Variants in CTNNA1 observed in about 807,000 individuals in gnomAD.
The protein encoded by CTNNA1 is catenin alpha-1.
CTNNA1 carries 37 observed loss-of-function variants against 98.4 expected under a neutral mutation model. That is an observed-to-expected ratio of 0.38 (90% CI 0.29 to 0.49). CTNNA1 has a LOEUF of 0.49. Ranked by LOEUF, CTNNA1 falls within the 20% of genes least tolerant of loss-of-function variation. The pLI is 0.95. For missense variants in CTNNA1, 761 were observed against 1,147.2 expected, an observed-to-expected ratio of 0.66 and a Z score of 4.86; for synonymous variants, 404 against 413.2, an observed-to-expected ratio of 0.98 and a Z score of 0.27.
intron 7 of CTNNA1, among the ~76,000 whole-genome samples, chr5:138,884,278 AAAGAAAT>A (rs1446614514): frequency 6.6e-6 from 1 of 152,206 alleles, no homozygotes; most frequent in Non-Finnish European, 1.5e-5. Context: ...AAGTTGGCAG[AAAGAAAT>A]GTTTGTAGTT....
rs28363478 is a variant in CTNNA1 at position 138,926,729 on chromosome 5, A to G, written c.1899+1322A>G. Among the ~76,000 whole-genome samples, 755 of 143,050 alleles carry G rather than the reference A, an allele frequency of 5.3e-3. 8 individuals are homozygous for G. Among genetic ancestry groups the G allele is most frequent in the Non-Finnish European group, 3.2e-3 (216 of 67,544 alleles). 93.8% of individuals were successfully genotyped at this position (143,050 alleles called of 152,430 possible). A position where few individuals can be genotyped will look rare whatever the true frequency, so the allele number is the denominator to read the frequency against. On this transcript the variant is annotated intron_variant, in intron 13 of 17. Coordinates refer to ENST00000302763, the MANE Select transcript of CTNNA1 (RefSeq NM_001903.5). The stretch of plus-strand genomic sequence containing the variant: ...GATGATTTCTCCCATTTTTAGGGGG[A>G]AAAAAAAAGTCTCTTGACCCACACC...
chr5:138,788,921 C>T lies in CTNNA1; in HGVS notation c.301+5549C>T, dbSNP rs138148803. Among the ~76,000 whole-genome samples, 360 of 152,256 alleles carry T rather than the reference C, an allele frequency of 2.4e-3. 1 individual carries two copies. Among genetic ancestry groups the T allele is most frequent in the African/African-American group, 8.1e-3 (336 of 41,538 alleles). ...TTATTGCTACTTCTGTAGCTTCTTC[C>T]CTATAGCTCATGGGCATTTCTGGGT... is the stretch of plus-strand genomic sequence containing the variant. On this transcript the variant is annotated intron_variant, in intron 3 of 17. Transcript: ENST00000302763.
chr5:138,810,740 TTC>T (rs1247210381), intron 4 of CTNNA1, among the ~76,000 whole-genome samples: 1 of 152,174 alleles, frequency 6.6e-6, no homozygotes, highest in Non-Finnish European at 1.5e-5. Flanking sequence ...TTCCCCACCT[TTC>T]CCCCCTTTCT....
rs288028 is a variant in CTNNA1, at chr5:138,886,300, G to C, written c.1143+8G>C. 446,153 of 1,577,210 alleles carry C rather than the reference G, an allele frequency of 0.28. 65,988 individuals are homozygous for C. Among genetic ancestry groups the C allele is most frequent in the Non-Finnish European group, 0.3 (347,574 of 1,165,620 alleles). On this transcript the variant is annotated splice_region_variant and intron_variant, in intron 8 of 17. Transcript: ENST00000302763. ...AGGGACTTGCGTAGACAGGTAATCT[G>C]GATGAAAGTGCTGATTGTTTTTCTA...
chr5:138,920,034 T>C (rs1434684735), intron 11 of CTNNA1, among the ~76,000 whole-genome samples: 1 of 141,314 alleles, frequency 7.1e-6, no homozygotes, highest in Non-Finnish European at 1.5e-5. Flanking sequence ...TGGAGTGCAA[T>C]GGTGGGATCT....
At chr5:138,863,684 C>G (rs1764487504) in intron 7 of CTNNA1, among the ~76,000 whole-genome samples, 1 of 152,228 alleles carries the variant, frequency 6.6e-6, no homozygotes, top group Non-Finnish European at 1.5e-5. Flanking sequence ...CAGAAAAAGC[C>G]AGTACCCTGA....
chr5:138,808,736 G>GT (rs1758370339), intron 3 of CTNNA1, among the ~76,000 whole-genome samples: 1 of 151,680 alleles, frequency 6.6e-6, no homozygotes, highest in African/African-American at 2.4e-5. Context: ...GTGTGAATGG[G>GT]TTTTAGGCTT....
In CTNNA1 at chr5:138,840,615, A is replaced by G. The variant is rs187277879; in HGVS notation, c.1062+12897A>G. Among the ~76,000 whole-genome samples, 267 of 152,350 alleles carry G rather than the reference A, an allele frequency of 1.8e-3. 2 individuals are homozygous for G. Among genetic ancestry groups the G allele is most frequent in the Non-Finnish European group, 3.1e-3 (210 of 68,026 alleles). On this transcript the variant is annotated intron_variant, in intron 7 of 17. Transcript: ENST00000302763. ...TATTGTGATTGTTTAAATGTAGCCA[A>G]TTAATAGTTGTGGGAGGCCACCTAT...
At chr5:138,814,608 G>T (rs973557432) in intron 5 of CTNNA1, among the ~76,000 whole-genome samples, 3 of 152,160 alleles carry the variant, frequency 2.0e-5, no homozygotes, top group Non-Finnish European at 4.4e-5. Flanking sequence ...ATATTTAAAA[G>T]ATACAATTTG....
At position 138,874,804 on chromosome 5, in the gene CTNNA1, C is replaced by T; in HGVS notation, c.1063-11408C>T. 1 of 1,193,326 alleles carries T rather than the reference C, an allele frequency of 8.4e-7. No individual in the cohort carries two copies. The highest frequency in any genetic ancestry group is 1.2e-6 in the Non-Finnish European group (1 of 822,472). The allele number at this position is 1,193,326 out of a possible 1,614,324, so 73.9% of individuals were successfully genotyped here. ...ATGCTTTTACCTAAACCTCAAAATC[C>T]AAAATATGATGGTGATTTCCCTCAT... On this transcript the variant is annotated intron_variant, in intron 7 of 17. Coordinates refer to ENST00000302763, the MANE Select transcript of CTNNA1 (RefSeq NM_001903.5). This position sits in a 1 kb window ranked among gnomAD's most constrained non-coding sequence, Gnocchi z 4.1.
chr5:138,771,552 T>G (rs185227349), intron 1 of CTNNA1, among the ~76,000 whole-genome samples: 3 of 152,088 alleles, frequency 2.0e-5, no homozygotes, highest in African/African-American at 7.2e-5. Flanking sequence ...TTTTTTTTTC[T>G]TTTTAAAAGT....
intron 3 of CTNNA1, among the ~76,000 whole-genome samples, chr5:138,799,894 G>GTATGTATGTA (rs1445820943): frequency 7.9e-5 from 3 of 38,046 alleles, no homozygotes; most frequent in South Asian, 9.1e-4. Flanking sequence ...GTATGTATGT[G>GTATGTATGTA]TGTGTGTATG....
chr5:138,840,482 AAATAT>A (rs1762182744), intron 7 of CTNNA1, among the ~76,000 whole-genome samples: 2 of 152,246 alleles, frequency 1.3e-5, no homozygotes, highest in Admixed American at 1.3e-4. Flanking sequence ...TTTTAGGGAA[AAATAT>A]AATATAGTTT....
chr5:138,920,965 C>T (rs1762804307), intron 11 of CTNNA1, among the ~76,000 whole-genome samples: 1 of 151,962 alleles, frequency 6.6e-6, no homozygotes, highest in South Asian at 2.1e-4. Flanking sequence ...GCGGGGGGAA[C>T]TTTGATCATT....
intron 7 of CTNNA1, among the ~76,000 whole-genome samples, chr5:138,883,885 C>G (rs767215245): frequency 4.6e-5 from 7 of 152,174 alleles, no homozygotes; most frequent in Non-Finnish European, 1.0e-4. Flanking sequence ...CTACCTTTGT[C>G]TTAGATCCTG....
intron 9 of CTNNA1, among the ~76,000 whole-genome samples, chr5:138,895,497 GT>G (rs1042549558): frequency 1.6e-5 from 2 of 125,828 alleles, no homozygotes; most frequent in African/African-American, 3.4e-5. Context: ...GATTTGAGCA[GT>G]TTTTTGGGGG....
chr5:138,780,836 C>T (rs1755009824), intron 1 of CTNNA1, among the ~76,000 whole-genome samples: 1 of 152,170 alleles, frequency 6.6e-6, no homozygotes, highest in Admixed American at 6.5e-5. Flanking sequence ...TAAATGTCTA[C>T]CAGCAGTTTG....
intron 7 of CTNNA1, chr5:138,881,154 T>G (rs2149991885): frequency 8.8e-6 from 4 of 455,256 alleles, no homozygotes; most frequent in East Asian, 7.0e-5. Flanking sequence ...CTGTCCTCCT[T>G]GAGAGCTCGT....
intron 7 of CTNNA1, 78 bp from the exon 8 acceptor site, chr5:138,886,130 GACAT>G: frequency 6.8e-7 from 1 of 1,472,498 alleles, no homozygotes; most frequent in Non-Finnish European, 9.2e-7. Flanking sequence ...TTTCAGTGTT[GACAT>G]GAGCACAAAT....
Sources: allele counts gnomAD v4.1 joint callset (sites outside exome capture counted in the v4.1 genomes callset), GRCh38; gene constraint gnomAD v4.1.1; non-coding constraint Gnocchi (gnomAD v3.1); transcripts MANE v1.5; gene names NCBI Gene and HGNC (gene_info 2026-07-23, HGNC 2026-07-21).